PCDH15: variants seen among roughly 807,000 people sequenced by gnomAD.
The protein encoded by PCDH15 is protocadherin-15.
PCDH15 carries 129 observed loss-of-function variants against 178.5 expected under a neutral mutation model. The ratio of observed to expected loss-of-function variants is 0.72; its 90% confidence interval spans 0.63 to 0.84. PCDH15 has a LOEUF of 0.84. Ranked by LOEUF, PCDH15 falls within the 40% of genes least tolerant of loss-of-function variation. The probability of loss-of-function intolerance (pLI) is 0.00; values close to 1 mark genes in which losing one functional copy is unlikely to be tolerated. For missense variants in PCDH15, 2,230 were observed against 2,099.9 expected (o/e 1.06, Z -1.21); for synonymous variants, 800 against 732.0 (o/e 1.09, Z -1.50).
intron 11 of PCDH15, among the ~76,000 whole-genome samples, chr10:54,194,208 G>GA (rs140480244): frequency 0.23 from 34,997 of 151,586 alleles, 6,064 homozygotes; most frequent in African/African-American, 0.49. Context: ...TTTAGAAAGA[G>GA]AAAAAAAATC....
rs1211747221 is a variant in PCDH15 at position 54,709,996 on chromosome 10, T to C, written c.-28-45706A>G. Among the ~76,000 whole-genome samples the C allele has an allele frequency of 3.3e-5, 5 of 150,584 alleles. No individual in the cohort carries two copies. In the East Asian group the frequency reaches 9.7e-4, roughly 29 times the overall value. On this transcript the variant is annotated intron_variant, in intron 1 of 37. Coordinates refer to ENST00000644397, the MANE Select transcript of PCDH15 (RefSeq NM_001384140.1). The stretch of plus-strand genomic sequence containing the variant: ...ATATGTAATAAATATGTACTAGACA[T>C]GTAATAAATATGTATATATTACATA...
intron 13 of PCDH15, 86 bp from the exon 14 acceptor site, chr10:54,153,379 C>T (rs2044753858): frequency 2.1e-6 from 3 of 1,455,904 alleles, no homozygotes; most frequent in Admixed American, 3.6e-5. Flanking sequence ...AAGAAGCTTG[C>T]TTTCAAAGAA....
At chr10:54,354,213 G>A (rs967718997) in intron 5 of PCDH15, among the ~76,000 whole-genome samples, 2 of 152,108 alleles carry the variant, frequency 1.3e-5, no homozygotes, top group African/African-American at 4.8e-5. Context: ...TCAAACTCCC[G>A]ACCTCAGGTG....
At chr10:54,614,270 A>G (rs2134294770) in intron 2 of PCDH15, among the ~76,000 whole-genome samples, 1 of 152,106 alleles carries the variant, frequency 6.6e-6, no homozygotes, top group East Asian at 1.9e-4. Context: ...TTTGAGTTTC[A>G]CCATCTGTTG....
chr10:55,075,111 A>G (rs1841849472), intron 2 of PCDH15, among the ~76,000 whole-genome samples: 1 of 152,034 alleles, frequency 6.6e-6, no homozygotes, highest in Non-Finnish European at 1.5e-5. Flanking sequence ...TGTTTTGGTT[A>G]CTGTTATTCT....
rs186809914 is a variant in PCDH15, at chr10:54,591,663, T to G, written c.92-63786A>C. Among the ~76,000 whole-genome samples the G allele has an allele frequency of 2.0e-5, 3 of 152,222 alleles. No individual in the cohort carries two copies. The East Asian group carries it at 5.8e-4, about 29-fold the overall frequency. On this transcript the variant is annotated intron_variant, in intron 2 of 37. Transcript: ENST00000644397. ...TAGAAAACAATTTTAAAATACATTT[T>G]AAAAAGAACTTCAACATGCCAATAT...
chr10:54,503,685 G>C (rs1197133647), intron 3 of PCDH15, among the ~76,000 whole-genome samples: 3 of 151,772 alleles, frequency 2.0e-5, no homozygotes, highest in Non-Finnish European at 4.4e-5. Flanking sequence ...GCAAAATCAT[G>C]GTTTGTGTAA....
intron 6 of PCDH15, among the ~76,000 whole-genome samples, chr10:54,329,927 T>A (rs1341370214): frequency 1.3e-5 from 2 of 151,776 alleles, no homozygotes; most frequent in Admixed American, 6.6e-5. Flanking sequence ...AACCAGAAAA[T>A]TTGTTTCTTG....
chr10:55,514,006 T>A (rs905412396), intron 2 of PCDH15, among the ~76,000 whole-genome samples: 1 of 152,204 alleles, frequency 6.6e-6, no homozygotes, highest in Non-Finnish European at 1.5e-5. Flanking sequence ...CTGGTTGGCA[T>A]CTTTTTGAGG....
intron 3 of PCDH15, among the ~76,000 whole-genome samples, chr10:54,507,026 C>CA: frequency 6.6e-6 from 1 of 151,828 alleles, no homozygotes; most frequent in East Asian, 1.9e-4. Context: ...TTAATAACAA[C>CA]ACAATTCTAA....
At chr10:54,622,678 T>C (rs1286250371) in intron 2 of PCDH15, among the ~76,000 whole-genome samples, 5 of 24,160 alleles carry the variant, frequency 2.1e-4, no homozygotes, top group African/African-American at 8.5e-4. Flanking sequence ...TTATATATAA[T>C]ATATATTATA....
Position 53,940,954 on chromosome 10 carries a change from A to G in PCDH15, c.3144T>C (p.Leu1048=). ...CACCAACCATGGTCCCTTTGGTGGC[A>G]AGTTCACTTACTGGAGGAGGTCTGC... ...EEYRPPPVSE[L]ATKGTMVGVI... is the part of the protein sequence containing the mutation. Residue 1048 remains leucine, a synonymous_variant, in exon 24 of 38, where the codon CTT becomes CTC. Transcript: ENST00000644397. The G allele has an allele frequency of 6.2e-7, 1 of 1,613,082 alleles. No homozygotes were observed. The highest frequency in any genetic ancestry group is 2.2e-5 in the East Asian group (1 of 44,852).
intron 2 of PCDH15, among the ~76,000 whole-genome samples, chr10:55,021,535 T>A (rs1056297858): frequency 6.6e-6 from 1 of 152,148 alleles, no homozygotes; most frequent in Non-Finnish European, 1.5e-5. Context: ...TCAATCCTAT[T>A]TTTCCCTGAT....
intron 1 of PCDH15, among the ~76,000 whole-genome samples, chr10:55,170,427 G>T (rs1284915930): frequency 6.6e-6 from 1 of 152,118 alleles, no homozygotes; most frequent in Non-Finnish European, 1.5e-5. Flanking sequence ...ATGATTACAG[G>T]AATGAGCCAC....
intron 8 of PCDH15, among the ~76,000 whole-genome samples, chr10:54,263,035 A>G (rs1975406): frequency 0.68 from 103,963 of 152,010 alleles, 36,549 homozygotes; most frequent in Middle Eastern, 0.76. Context: ...GAGATCCTCT[A>G]CCCTTGAAAT....
chr10:55,172,471 T>A (rs1839362524), intron 1 of PCDH15, among the ~76,000 whole-genome samples: 1 of 43,262 alleles, frequency 2.3e-5, no homozygotes, highest in Admixed American at 2.1e-4. Flanking sequence ...AATAAATGAC[T>A]TTTGAGAAAG....
chr10:54,661,478 CA>C (rs1165678270), intron 2 of PCDH15, among the ~76,000 whole-genome samples: 1 of 151,472 alleles, frequency 6.6e-6, no homozygotes, highest in Non-Finnish European at 1.5e-5. Flanking sequence ...CTGTACTGCC[CA>C]AAGCGAGCTA....
At chr10:54,350,614 G>C (rs751794626) in intron 5 of PCDH15, among the ~76,000 whole-genome samples, 3 of 152,218 alleles carry the variant, frequency 2.0e-5, no homozygotes, top group African/African-American at 7.2e-5. Flanking sequence ...AGTCTAAAAA[G>C]GCTCTAATGA....
At chr10:54,368,136 T>C (rs10825314) in intron 5 of PCDH15, among the ~76,000 whole-genome samples, 22,092 of 151,882 alleles carry the variant, frequency 0.15, 1,826 homozygotes, top group Middle Eastern at 0.22. Flanking sequence ...GTTATATAAT[T>C]TAGAAAGTCT....
Sources: gnomAD v4.1 joint callset for allele counts (sites outside exome capture counted in the v4.1 genomes callset) on GRCh38, gnomAD v4.1.1 for gene constraint, MANE v1.5 for transcripts, NCBI Gene and HGNC (gene_info 2026-07-23, HGNC 2026-07-21) for gene names.